Variants in NAP1L1 observed in about 807,000 individuals in gnomAD.
NAP1L1 encodes nucleosome assembly protein 1 like 1.
Under a neutral mutation model 58.9 loss-of-function variants are expected in NAP1L1, and 9 were observed. That is an observed-to-expected ratio of 0.15 (90% CI 0.09 to 0.27). NAP1L1 has a LOEUF of 0.27. NAP1L1 is among the 10% of genes least tolerant of loss of function. The pLI is 1.00. For missense variants in NAP1L1, 302 were observed against 458.8 expected, an observed-to-expected ratio of 0.66 and a Z score of 3.12; for synonymous variants, 130 against 138.3, an observed-to-expected ratio of 0.94 and a Z score of 0.42.
Position 76,048,371 on chromosome 12 carries a change from A to T in NAP1L1, c.*58T>A. The T allele has an allele frequency of 9.5e-6, 15 of 1,574,146 alleles. No individual in the cohort carries two copies. Among genetic ancestry groups the T allele is most frequent in the Non-Finnish European group, 1.3e-5 (15 of 1,151,864 alleles). ...AAAAACATAAGGCTGTAAGTAAATAAGAGTTGTGTTTAGGCTATTACAGTG... is the reference window on the plus strand; with the variant it reads ...AAAAACATAAGGCTGTAAGTAAATATGAGTTGTGTTTAGGCTATTACAGTG... On this transcript the variant is annotated 3_prime_UTR_variant, in exon 15 of 15. Transcript: ENST00000618691.
chr12:76,073,917 T>C (rs966530035), intron 2 of NAP1L1: 2 of 303,348 alleles, frequency 6.6e-6, no homozygotes, highest in African/African-American at 4.4e-5. Flanking sequence ...ACAATAAAAA[T>C]GAATTCTGCA....
At chr12:76,056,235 C>T in intron 6 of NAP1L1, 74 bp from the exon 7 acceptor site, 1 of 1,437,372 alleles carries the variant, frequency 7.0e-7, no homozygotes, top group Non-Finnish European at 9.4e-7. Flanking sequence ...GGTATAAAAA[C>T]CAAAAAGCAC....
At position 76,079,030 on chromosome 12, in the gene NAP1L1, C is replaced by T. The variant is rs1950301455; in HGVS notation, c.-20-4791G>A. 2.0e-5 allele frequency among the ~76,000 whole-genome samples: 3 copies of T among 151,930 alleles called. No homozygotes were observed. In the South Asian group the frequency reaches 6.2e-4, roughly 32 times the overall value. ...ACACACACATATATTTATCCAGCTC[C>T]GGATACATCAGTAAAAAGGCAAGAT... is the stretch of plus-strand genomic sequence containing the variant. On this transcript the variant is annotated intron_variant, in intron 1 of 14. Coordinates refer to ENST00000618691, the MANE Select transcript of NAP1L1 (RefSeq NM_004537.7).
At position 76,049,205 on chromosome 12, in the gene NAP1L1, G is replaced by C. The variant is rs1444110658; in HGVS notation, c.1135C>G (p.Pro379Ala). 1.2e-6 allele frequency: 2 copies of C among 1,613,132 alleles called. No homozygotes were observed. Among genetic ancestry groups the C allele is most frequent in the Admixed American group, 1.7e-5 (1 of 59,962 alleles). ...GDEENDPDYDPKKDQNPAECK... is the reference protein window; with the variant it reads ...GDEENDPDYDAKKDQNPAECK... Reference sequence around the variant, plus strand: ...GCAGCACTAATTTTGCTCACCTTTGGGTCATAGTCTGGATCATTTTCCTCA... The same window carrying C: ...GCAGCACTAATTTTGCTCACCTTTGCGTCATAGTCTGGATCATTTTCCTCA... The change falls in exon 14 of 15, where the codon CCA (proline) becomes GCA (alanine). Residue 379 changes from proline to alanine, a missense_variant. Pro to Ala is a conservative substitution (Grantham distance 27). Coordinates refer to ENST00000618691, the MANE Select transcript of NAP1L1 (RefSeq NM_004537.7).
chr12:76,067,324 C>A, intron 4 of NAP1L1, 47 bp downstream of exon 4: 2 of 1,409,256 alleles, frequency 1.4e-6, no homozygotes, highest in Non-Finnish European at 9.9e-7. Context: ...GATACGCCTG[C>A]AACGTTGATT....
chr12:76,063,340 C>A (rs1244409725), intron 4 of NAP1L1, among the ~76,000 whole-genome samples: 1 of 152,148 alleles, frequency 6.6e-6, no homozygotes, highest in African/African-American at 2.4e-5. Context: ...TAACAAAAAT[C>A]AATGCCATTA....
chr12:76,055,909 A>T, intron 7 of NAP1L1, 124 bp downstream of exon 7: 1 of 955,178 alleles, frequency 1.0e-6, no homozygotes, highest in Non-Finnish European at 1.6e-6. Flanking sequence ...TACAGATATT[A>T]GCTATTTCAA....
At chr12:76,055,937 A>T in intron 7 of NAP1L1, 96 bp downstream of exon 7, 1 of 1,281,434 alleles carries the variant, frequency 7.8e-7, no homozygotes, top group Non-Finnish European at 1.1e-6. Context: ...CAATCATTCT[A>T]GAAAGATCAA....
At chr12:76,066,862 T>G (rs1278400834) in intron 4 of NAP1L1, among the ~76,000 whole-genome samples, 2 of 152,138 alleles carry the variant, frequency 1.3e-5, no homozygotes, top group African/African-American at 4.8e-5. Context: ...CAATAGAATT[T>G]GTGTTGATAA....
intron 6 of NAP1L1, among the ~76,000 whole-genome samples, chr12:76,058,697 C>A (rs1949259566): frequency 1.3e-5 from 2 of 151,914 alleles, no homozygotes; most frequent in Non-Finnish European, 2.9e-5. Context: ...TTCTCTTTCT[C>A]TCTTTTTATT....
Position 76,070,946 on chromosome 12 carries a change from G to A in NAP1L1, c.18-1952C>T, listed in dbSNP as rs140690561. Among the ~76,000 whole-genome samples, 1,042 of 152,242 alleles carry A rather than the reference G, an allele frequency of 6.8e-3. 32 individuals carry two copies. Among genetic ancestry groups the A allele is most frequent in the Non-Finnish European group, 1.6e-3 (106 of 68,010 alleles). Reference sequence around the variant, plus strand: ...AACATTCCGGAAGCCAAGGCAAGAGGATCACTGGAGGCCAGGAGTTCAAGA... The same window carrying A: ...AACATTCCGGAAGCCAAGGCAAGAGAATCACTGGAGGCCAGGAGTTCAAGA... On this transcript the variant is annotated intron_variant, in intron 2 of 14. Transcript: ENST00000618691.
chr12:76,042,809 G>A lies in NAP1L1; in HGVS notation c.*5620C>T, dbSNP rs1457696190. The A allele has an allele frequency of 6.6e-6, 1 of 152,132 alleles. No individual in the cohort carries two copies. Among genetic ancestry groups the A allele is most frequent in the Non-Finnish European group, 1.5e-5 (1 of 68,032 alleles). 9.4% of individuals were successfully genotyped at this position (152,132 alleles called of 1,614,324 possible). ...TATTCTAAGAAGCCAGCAATCCTTG[G>A]AGAAATGGCCCATTCCAGGGCTGAA... On this transcript the variant is annotated 3_prime_UTR_variant, in exon 15 of 15. Transcript: ENST00000618691.
At chr12:76,083,051 T>C (rs770586473) in intron 1 of NAP1L1, among the ~76,000 whole-genome samples, 1 of 152,202 alleles carries the variant, frequency 6.6e-6, no homozygotes. Flanking sequence ...CCGTCTAAAA[T>C]ACGGGCTCCT....
chr12:76,068,360 A>C (rs1405477681), intron 3 of NAP1L1, among the ~76,000 whole-genome samples: 2 of 152,148 alleles, frequency 1.3e-5, no homozygotes, highest in Non-Finnish European at 2.9e-5. Flanking sequence ...TCCGGCTTAA[A>C]AATGAAAAGC....
chr12:76,082,549 G>A (rs1273132147), intron 1 of NAP1L1, among the ~76,000 whole-genome samples: 1 of 152,256 alleles, frequency 6.6e-6, no homozygotes, highest in East Asian at 1.9e-4. Context: ...TGTTGACTTG[G>A]AGAATCTATG....
At chr12:76,079,263 C>T (rs545573042) in intron 1 of NAP1L1, among the ~76,000 whole-genome samples, 13 of 152,228 alleles carry the variant, frequency 8.5e-5, no homozygotes, top group Admixed American at 6.5e-4. Flanking sequence ...CGGTAGCTCA[C>T]GTCTATAGTC....
chr12:76,041,831 T>C lies in NAP1L1; in HGVS notation c.*6598A>G, dbSNP rs773316115. On this transcript the variant is annotated 3_prime_UTR_variant, in exon 15 of 15. Transcript: ENST00000618691. ...CCAGTGTCAAGGCTCCAGGTAAATG[T>C]TGGGAGATAGAAGGGATAACCTGAA... 1.1e-4 allele frequency: 17 copies of C among 152,266 alleles called. No individual in the cohort carries two copies. The highest frequency in any genetic ancestry group is 4.6e-4 in the Admixed American group (7 of 15,294). The allele number at this position is 152,266 out of a possible 1,614,324, so 9.4% of individuals were successfully genotyped here. A position where few individuals can be genotyped will look rare whatever the true frequency, so the allele number is the denominator to read the frequency against.
At chr12:76,072,426 C>T (rs1949997748) in intron 2 of NAP1L1, among the ~76,000 whole-genome samples, 1 of 151,550 alleles carries the variant, frequency 6.6e-6, no homozygotes, top group South Asian at 2.1e-4. Flanking sequence ...AGCAAAGAGA[C>T]AGAGATGGAA....
In NAP1L1 at chr12:76,045,745, G is replaced by A. The variant is rs1241662657; in HGVS notation, c.*2684C>T. 2.0e-5 allele frequency: 3 copies of A among 151,932 alleles called. No homozygotes were observed. The East Asian group carries it at 5.8e-4, about 29-fold the overall frequency. 9.4% of individuals were successfully genotyped at this position (151,932 alleles called of 1,614,324 possible). ...TAAACTATCAACTTGTGGAATTTGTGGAACACTTACCCTACTTGAGTGACC... is the reference window on the plus strand; with the variant it reads ...TAAACTATCAACTTGTGGAATTTGTAGAACACTTACCCTACTTGAGTGACC... On this transcript the variant is annotated 3_prime_UTR_variant, in exon 15 of 15. Coordinates refer to ENST00000618691, the MANE Select transcript of NAP1L1 (RefSeq NM_004537.7).
Sources: gnomAD v4.1 joint callset for allele counts (sites outside exome capture counted in the v4.1 genomes callset) on GRCh38, gnomAD v4.1.1 for gene constraint, MANE v1.5 for transcripts, NCBI Gene and HGNC (gene_info 2026-07-23, HGNC 2026-07-21) for gene names.